Variants in CA12 observed in about 807,000 individuals in gnomAD.
CA12 encodes the protein carbonate dehydratase XII.
Under a neutral mutation model 46.8 loss-of-function variants are expected in CA12, and 36 were observed. The observed-to-expected ratio is 0.77, with a 90% confidence interval of 0.59 to 1.02. CA12 has a LOEUF of 1.02. Among genes scored for constraint, CA12 ranks in the 50% least tolerant of loss-of-function variants. The pLI, the probability that CA12 is intolerant of heterozygous loss-of-function variation, is 0.00. For synonymous variants in CA12, 202 were observed against 187.0 expected (o/e 1.08, Z -0.65); for missense variants, 436 against 451.4 (o/e 0.97, Z 0.31).
Position 63,342,007 on chromosome 15 carries a change from T to G in CA12, c.520A>C (p.Ile174Leu). Residue 174 changes from isoleucine (I) to leucine (L), a missense_variant, in exon 5 of 11, where the codon ATT (isoleucine) becomes CTT (leucine). Ile to Leu is a conservative substitution (Grantham distance 5, BLOSUM62 2). Coordinates refer to ENST00000178638, the MANE Select transcript of CA12 (RefSeq NM_001218.5). ...SEGLAVLAVL[I>L]EMGSFNPSYD... ...ACCTTTTAAATATCTCTTACCTCAA[T>G]GAGAACAGCCAGGACAGCGAGGCCT... 3 of 1,610,916 alleles carry G rather than the reference T, an allele frequency of 1.9e-6. No individual in the cohort carries two copies. The highest frequency in any genetic ancestry group is 2.5e-6 in the Non-Finnish European group (3 of 1,177,118).
Position 63,346,700 on chromosome 15 carries a change from C to A in CA12, c.116G>T (p.Gly39Val). 1 of 1,614,182 alleles carries A rather than the reference C, an allele frequency of 6.2e-7. No homozygotes were observed. Among genetic ancestry groups the A allele is most frequent in the South Asian group, 1.1e-5 (1 of 91,078 alleles). Reference sequence around the variant, plus strand: ...GTACTTCTTGGACCAGCTATTCTCCCCATCAGGACCTGGACACAGAGATCC... The same window carrying A: ...GTACTTCTTGGACCAGCTATTCTCCACATCAGGACCTGGACACAGAGATCC... ...GSKWTYFGPD[G>V]ENSWSKKYPS... The change falls in exon 3 of 11, where the codon GGG (glycine) becomes GTG (valine). Residue 39 changes from glycine to valine, a missense_variant. Gly to Val is a moderately radical substitution (Grantham distance 109). Transcript: ENST00000178638.
chr15:63,376,567 T>TTTC (rs1333500308), intron 1 of CA12, among the ~76,000 whole-genome samples: 2 of 109,632 alleles, frequency 1.8e-5, no homozygotes, highest in African/African-American at 6.2e-5. Flanking sequence ...CCTTTCTTTC[T>TTTC]TTCTTTCTTT....
chr15:63,341,957 T>G lies in CA12; in HGVS notation c.525+45A>C. 1 of 1,352,444 alleles carries G rather than the reference T, an allele frequency of 7.4e-7. No homozygotes were observed. The highest frequency in any genetic ancestry group is 1.1e-6 in the Non-Finnish European group (1 of 943,888). The allele number at this position is 1,352,444 out of a possible 1,614,324, so 83.8% of individuals were successfully genotyped here. ...AACAAAAGGTGGAATCCCAATCTCA[T>G]CCCTGCTTCAAATTTCACCTAAGAA... On this transcript the variant is annotated intron_variant, in intron 5 of 10. Coordinates refer to ENST00000178638, the MANE Select transcript of CA12 (RefSeq NM_001218.5). The surrounding 1 kb of genome is among the most constrained non-coding windows in gnomAD (Gnocchi z 5.2).
In CA12 at chr15:63,325,478, T is replaced by C. The variant is rs1259012738; in HGVS notation, c.*807A>G. On this transcript the variant is annotated 3_prime_UTR_variant, in exon 11 of 11. Transcript: ENST00000178638. This position sits in a 1 kb window ranked among gnomAD's most constrained non-coding sequence, Gnocchi z 4.9. ...TTGGACTTAATATTGTATTATTCTG[T>C]CCTTACATTATGGCTTGATAAACAG... The C allele has an allele frequency of 6.6e-6, 1 of 152,538 alleles. No homozygotes were observed. Among genetic ancestry groups the C allele is most frequent in the African/African-American group, 2.4e-5 (1 of 41,436 alleles). The allele number at this position is 152,538 out of a possible 1,614,324, so 9.4% of individuals were successfully genotyped here. A position where few individuals can be genotyped will look rare whatever the true frequency, so the allele number is the denominator to read the frequency against.
chr15:63,325,969 C>G lies in CA12; in HGVS notation c.*316G>C. 2.7e-6 allele frequency: 1 copy of G among 375,240 alleles called. No homozygotes were observed. Among genetic ancestry groups the G allele is most frequent in the Non-Finnish European group, 5.0e-6 (1 of 198,590 alleles). 23.2% of individuals were successfully genotyped at this position (375,240 alleles called of 1,614,324 possible). ...AGCCCCGGATGAAAGTGTTTTCCAA[C>G]CATTAATGGCCCACCAGCATGGCTT... On this transcript the variant is annotated 3_prime_UTR_variant, in exon 11 of 11. Coordinates refer to ENST00000178638, the MANE Select transcript of CA12 (RefSeq NM_001218.5). The surrounding 1 kb of genome is among the most constrained non-coding windows in gnomAD (Gnocchi z 4.9).
rs1000268709 is a variant in CA12, at chr15:63,327,639, T to C, written c.908-406A>G. ...CCAAGAACCACACTTTGATAAGCCC[T>C]GGGCTACACAAATAAGAACTTACTC... is the stretch of plus-strand genomic sequence containing the variant. On this transcript the variant is annotated intron_variant, in intron 9 of 10. Transcript: ENST00000178638. This position sits in a 1 kb window ranked among gnomAD's most constrained non-coding sequence, Gnocchi z 4.5. Among the ~76,000 whole-genome samples, 1 of 152,158 alleles carries C rather than the reference T, an allele frequency of 6.6e-6. No individual in the cohort carries two copies. The highest frequency in any genetic ancestry group is 1.5e-5 in the Non-Finnish European group (1 of 68,028).
At position 63,346,657 on chromosome 15, in the gene CA12, C is replaced by G. The variant is rs770094980; in HGVS notation, c.159G>C (p.Leu53=). 6 of 1,613,752 alleles carry G rather than the reference C, an allele frequency of 3.7e-6. No individual in the cohort carries two copies. In the East Asian group the frequency reaches 1.3e-4, roughly 36 times the overall value. Residue 53 remains leucine, a synonymous_variant, in exon 3 of 11, where the codon CTG becomes CTC. Coordinates refer to ENST00000178638, the MANE Select transcript of CA12 (RefSeq NM_001218.5). ...WSKKYPSCGG[L]LQSPIDLHSD... is the part of the protein sequence containing the mutation. The stretch of plus-strand genomic sequence containing the variant: ...TGTGCAGGTCTATGGGGGACTGCAG[C>G]AGGCCCCCACACGACGGGTACTTCT...
At chr15:63,353,179 C>T (rs560801062) in intron 2 of CA12, among the ~76,000 whole-genome samples, 18 of 152,102 alleles carry the variant, frequency 1.2e-4, no homozygotes, top group African/African-American at 2.7e-4. Flanking sequence ...CTGCAATGAG[C>T]GCTGCAAAGG....
rs1329545316 is a variant in CA12, at chr15:63,345,149, T to C, written c.429+328A>G. Reference sequence around the variant, plus strand: ...AGTGTGAGTCAGCAGGAGATTTTTATCTGCACAGATAGGAAGGCAATGTCT... The same window carrying C: ...AGTGTGAGTCAGCAGGAGATTTTTACCTGCACAGATAGGAAGGCAATGTCT... On this transcript the variant is annotated intron_variant, in intron 4 of 10. Transcript: ENST00000178638. The surrounding 1 kb of genome is among the most constrained non-coding windows in gnomAD (Gnocchi z 4.3). Among the ~76,000 whole-genome samples the C allele has an allele frequency of 6.6e-6, 1 of 152,236 alleles. No homozygotes were observed. Among genetic ancestry groups the C allele is most frequent in the Non-Finnish European group, 1.5e-5 (1 of 68,040 alleles).
chr15:63,327,028 C>T lies in CA12; in HGVS notation c.992+121G>A, dbSNP rs137927499. ...CACGGGTGCTTTGGGGACGGCCCTC[C>T]TAGGGTAAGTGGTGGTCCAGGTGAC... On this transcript the variant is annotated intron_variant, in intron 10 of 10. Transcript: ENST00000178638. This position sits in a 1 kb window ranked among gnomAD's most constrained non-coding sequence, Gnocchi z 4.5. 3.2e-4 allele frequency: 277 copies of T among 869,996 alleles called. 1 individual carries two copies. The African/African-American group carries it at 4.2e-3, about 13-fold the overall frequency. 53.9% of individuals were successfully genotyped at this position (869,996 alleles called of 1,614,324 possible).
Position 63,339,088 on chromosome 15 carries a change from C to T in CA12, c.748-143G>A, listed in dbSNP as rs2039042585. ...GGGCCGGGTGGGAGATATTAGAAAGCAGAGGGAAAGCCACAGAACTGCTTC... is the reference window on the plus strand; with the variant it reads ...GGGCCGGGTGGGAGATATTAGAAAGTAGAGGGAAAGCCACAGAACTGCTTC... On this transcript the variant is annotated intron_variant, in intron 7 of 10. Coordinates refer to ENST00000178638, the MANE Select transcript of CA12 (RefSeq NM_001218.5). This position sits in a 1 kb window ranked among gnomAD's most constrained non-coding sequence, Gnocchi z 4.3. The T allele has an allele frequency of 1.9e-6, 2 of 1,058,640 alleles. No homozygotes were observed. Among genetic ancestry groups the T allele is most frequent in the East Asian group, 2.6e-5 (1 of 38,594 alleles). The allele number at this position is 1,058,640 out of a possible 1,614,324, so 65.6% of individuals were successfully genotyped here.
In CA12 at chr15:63,374,479, G is replaced by A. The variant is rs1366121358; in HGVS notation, c.106+1179C>T. Among the ~76,000 whole-genome samples the A allele has an allele frequency of 6.6e-6, 1 of 152,180 alleles. No individual in the cohort carries two copies. Among genetic ancestry groups the A allele is most frequent in the Admixed American group, 6.5e-5 (1 of 15,284 alleles). On this transcript the variant is annotated intron_variant, in intron 2 of 10. Transcript: ENST00000178638. This position sits in a 1 kb window ranked among gnomAD's most constrained non-coding sequence, Gnocchi z 4.4. ...CCTATTATGTTCTGCTTTGAATTGT[G>A]AGCTTTAAGTAATTCCCAACTATGG...
rs1335945708 is a variant in CA12, at chr15:63,329,297, A to G, written c.875-1167T>C. ...GTTACTGTTGAGGATAAATAAGGTGAGAGAGAAGTCCTCAGTGTGGCTGAA... is the reference window on the plus strand; with the variant it reads ...GTTACTGTTGAGGATAAATAAGGTGGGAGAGAAGTCCTCAGTGTGGCTGAA... On this transcript the variant is annotated intron_variant, in intron 8 of 10. Transcript: ENST00000178638. This position sits in a 1 kb window ranked among gnomAD's most constrained non-coding sequence, Gnocchi z 4.8. Among the ~76,000 whole-genome samples, 5 of 152,228 alleles carry G rather than the reference A, an allele frequency of 3.3e-5. No individual in the cohort carries two copies. The highest frequency in any genetic ancestry group is 1.2e-4 in the African/African-American group (5 of 41,468).
intron 2 of CA12, among the ~76,000 whole-genome samples, chr15:63,358,494 G>A (rs559111951): frequency 2.0e-5 from 3 of 152,288 alleles, no homozygotes; most frequent in African/African-American, 7.2e-5. Flanking sequence ...ACTTGAAAAT[G>A]TCACAGGTGC....
intron 1 of CA12, among the ~76,000 whole-genome samples, chr15:63,379,299 G>A (rs994915554): frequency 6.6e-6 from 1 of 152,186 alleles, no homozygotes; most frequent in Non-Finnish European, 1.5e-5. Flanking sequence ...GTGAGTCAAG[G>A]GGGTTCATCG....
chr15:63,368,203 AT>A (rs2039459187), intron 2 of CA12, among the ~76,000 whole-genome samples: 1 of 152,338 alleles, frequency 6.6e-6, no homozygotes, highest in South Asian at 2.1e-4. Context: ...AATTTCAGAG[AT>A]GCTAAAATGT....
Position 63,346,710 on chromosome 15 carries a change from C to G in CA12, c.107-1G>C. ...GACCAGCTATTCTCCCCATCAGGAC[C>G]TGGACACAGAGATCCATGCTCAAGA... On this transcript the variant is annotated splice_acceptor_variant, in intron 2 of 10. Transcript: ENST00000178638. LOFTEE classifies it high-confidence loss of function. 1.2e-6 allele frequency: 2 copies of G among 1,614,154 alleles called. No individual in the cohort carries two copies. The highest frequency in any genetic ancestry group is 1.7e-6 in the Non-Finnish European group (2 of 1,179,998).
chr15:63,328,763 C>A lies in CA12; in HGVS notation c.875-633G>T, dbSNP rs768600110. 5.3e-5 allele frequency among the ~76,000 whole-genome samples: 8 copies of A among 152,096 alleles called. No homozygotes were observed. Among genetic ancestry groups the A allele is most frequent in the Non-Finnish European group, 8.8e-5 (6 of 68,022 alleles). Reference sequence around the variant, plus strand: ...TCACACATGCTGGAGTGCAGTGGCACAATCTTGGCTCACTGCAACCTCCAC... The same window carrying A: ...TCACACATGCTGGAGTGCAGTGGCAAAATCTTGGCTCACTGCAACCTCCAC... On this transcript the variant is annotated intron_variant, in intron 8 of 10. Transcript: ENST00000178638. This position sits in a 1 kb window ranked among gnomAD's most constrained non-coding sequence, Gnocchi z 5.9.
Position 63,327,273 on chromosome 15 carries a change from T to TGG in CA12, c.908-41_908-40insCC. 6.5e-7 allele frequency: 1 copy of TGG among 1,535,086 alleles called. No homozygotes were observed. Among genetic ancestry groups the TGG allele is most frequent in the Non-Finnish European group, 9.0e-7 (1 of 1,113,274 alleles). ...GAGGGCACACATTACATTCCTTCCT[T>TGG]CCCCTCCATCTTAGCCCATGGCCCC... On this transcript the variant is annotated intron_variant, in intron 9 of 10. Coordinates refer to ENST00000178638, the MANE Select transcript of CA12 (RefSeq NM_001218.5). The surrounding 1 kb of genome is among the most constrained non-coding windows in gnomAD (Gnocchi z 4.5).
Sources: gnomAD v4.1 joint callset for allele counts (sites outside exome capture counted in the v4.1 genomes callset) on GRCh38, gnomAD v4.1.1 for gene constraint, Gnocchi (gnomAD v3.1) non-coding constraint, MANE v1.5 for transcripts, NCBI Gene and HGNC (gene_info 2026-07-23, HGNC 2026-07-21) for gene names.